ITGBL1: variants seen among roughly 807,000 people sequenced by gnomAD.
ITGBL1 encodes the protein integrin subunit beta like 1.
Under a neutral mutation model 68.5 loss-of-function variants are expected in ITGBL1, and 51 were observed. That is an observed-to-expected ratio of 0.74 (90% confidence interval 0.59 to 0.94). The LOEUF is 0.94. ITGBL1 is among the 40% of genes least tolerant of loss of function. The probability of loss-of-function intolerance (pLI) is 0.00; values close to 1 mark genes in which losing one functional copy is unlikely to be tolerated. For synonymous variants in ITGBL1, 209 were observed against 227.3 expected (o/e 0.92, Z 0.72); for missense variants, 649 against 647.4 (o/e 1.00, Z -0.03).
At chr13:101,558,291 A>G (rs74119856) in intron 2 of ITGBL1, among the ~76,000 whole-genome samples, 38,538 of 151,880 alleles carry the variant, frequency 0.25, 5,641 homozygotes, top group East Asian at 0.46. Flanking sequence ...AAAGATAGAC[A>G]TAAGATACTG....
intron 2 of ITGBL1, among the ~76,000 whole-genome samples, chr13:101,487,875 T>TA (rs1171773678): frequency 6.6e-6 from 1 of 152,198 alleles, no homozygotes; most frequent in Non-Finnish European, 1.5e-5. Flanking sequence ...TTAATCTTCC[T>TA]AACTCAAATG....
chr13:101,627,966 A>G (rs1740109538), intron 7 of ITGBL1, among the ~76,000 whole-genome samples: 1 of 152,200 alleles, frequency 6.6e-6, no homozygotes, highest in African/African-American at 2.4e-5. Context: ...GGTAAATAAC[A>G]AGGAGTGTGA....
At chr13:101,536,603 A>G (rs2049581156) in intron 2 of ITGBL1, among the ~76,000 whole-genome samples, 1 of 151,934 alleles carries the variant, frequency 6.6e-6, no homozygotes, top group African/African-American at 2.4e-5. Context: ...TCTCATTCTC[A>G]ACTCATAAGT....
chr13:101,550,425 A>C (rs1012837505), intron 2 of ITGBL1, among the ~76,000 whole-genome samples: 3 of 152,150 alleles, frequency 2.0e-5, no homozygotes, highest in Admixed American at 1.3e-4. Context: ...ATGTTCAAAC[A>C]CCACTTGGTT....
intron 8 of ITGBL1, among the ~76,000 whole-genome samples, chr13:101,703,313 G>A (rs1004761424): frequency 6.6e-6 from 1 of 152,168 alleles, no homozygotes; most frequent in African/African-American, 2.4e-5. Context: ...AATGTGTATA[G>A]TAAGGGAAAG....
intron 7 of ITGBL1, among the ~76,000 whole-genome samples, chr13:101,622,538 A>T (rs1013514021): frequency 6.6e-6 from 1 of 152,122 alleles, no homozygotes. Context: ...GCCGTTTACT[A>T]TAATTATTTG....
intron 2 of ITGBL1, among the ~76,000 whole-genome samples, chr13:101,512,944 T>G (rs2049139210): frequency 6.6e-6 from 1 of 152,114 alleles, no homozygotes; most frequent in South Asian, 2.1e-4. Context: ...TTCTTTTGTT[T>G]GTGCTGGTGA....
chr13:101,707,661 G>A (rs1482019173), intron 9 of ITGBL1, among the ~76,000 whole-genome samples: 1 of 151,030 alleles, frequency 6.6e-6, no homozygotes, highest in Admixed American at 6.6e-5. Flanking sequence ...CCAACGTGGT[G>A]AAAAATACAA....
intron 2 of ITGBL1, among the ~76,000 whole-genome samples, chr13:101,555,576 T>A (rs1169801363): frequency 4.6e-5 from 7 of 152,186 alleles, no homozygotes; most frequent in Non-Finnish European, 8.8e-5. Flanking sequence ...GGGTGGCGTT[T>A]AGGAATCTTA....
At chr13:101,572,242 T>C (rs550729227) in intron 3 of ITGBL1, among the ~76,000 whole-genome samples, 3 of 152,212 alleles carry the variant, frequency 2.0e-5, no homozygotes, top group Admixed American at 6.5e-5. Flanking sequence ...TTCCCTTTCA[T>C]ATCACAGTGT....
intron 2 of ITGBL1, among the ~76,000 whole-genome samples, chr13:101,463,546 G>T (rs1277001929): frequency 6.6e-6 from 1 of 152,096 alleles, no homozygotes; most frequent in Non-Finnish European, 1.5e-5. Context: ...ATTAGTCCTT[G>T]AATTTGGAAT....
chr13:101,654,302 G>A (rs1594957291), intron 7 of ITGBL1, among the ~76,000 whole-genome samples: 2 of 152,136 alleles, frequency 1.3e-5, no homozygotes, highest in African/African-American at 4.8e-5. Flanking sequence ...GAAGGGGAAG[G>A]TGACATACTT....
chr13:101,599,044 T>C (rs1223430033), intron 7 of ITGBL1, among the ~76,000 whole-genome samples: 1 of 152,194 alleles, frequency 6.6e-6, no homozygotes, highest in Non-Finnish European at 1.5e-5. Flanking sequence ...TAGTTTACAG[T>C]CCCACCAACA....
At position 101,601,233 on chromosome 13, in the gene ITGBL1, A is replaced by G. The variant is rs375339954; in HGVS notation, c.1015+2934A>G. On this transcript the variant is annotated intron_variant, in intron 7 of 10. Transcript: ENST00000376180. ...CTAGTTTATTTGCGTAGAGGTGTTT[A>G]TAGTATTCTCTGATGGTAGTTTGTA... Among the ~76,000 whole-genome samples the G allele has an allele frequency of 3.6e-3, 542 of 152,228 alleles. 4 individuals are homozygous for G. The highest frequency in any genetic ancestry group is 0.012 in the African/African-American group (509 of 41,560).
In ITGBL1 at chr13:101,626,481, CT is replaced by C. The variant is rs1156805635; in HGVS notation, c.1015+28186del. Among the ~76,000 whole-genome samples the C allele has an allele frequency of 2.6e-5, 4 of 152,234 alleles. No individual in the cohort carries two copies. The East Asian group carries it at 7.8e-4, about 30-fold the overall frequency. On this transcript the variant is annotated intron_variant, in intron 7 of 10. Transcript: ENST00000376180. ...TGATGTGAGTCCCCGAGAGATAGCCCTTTTGCTGAATCAGACAGATCTTTCA... is the reference window on the plus strand; with the variant it reads ...TGATGTGAGTCCCCGAGAGATAGCCCTTTGCTGAATCAGACAGATCTTTCA...
At chr13:101,648,740 C>A (rs912707548) in intron 7 of ITGBL1, among the ~76,000 whole-genome samples, 6 of 151,868 alleles carry the variant, frequency 4.0e-5, no homozygotes, top group Non-Finnish European at 8.8e-5. Context: ...CAATGTTAGA[C>A]ATGAAAGAGT....
At chr13:101,630,667 T>G (rs183048869) in intron 7 of ITGBL1, among the ~76,000 whole-genome samples, 2 of 152,382 alleles carry the variant, frequency 1.3e-5, no homozygotes, top group Admixed American at 1.3e-4. Context: ...TCATTTCCTA[T>G]GCATTTTTGA....
Position 101,453,277 on chromosome 13 carries a change from G to C in ITGBL1, c.98+346G>C, listed in dbSNP as rs2048189279. Among the ~76,000 whole-genome samples the C allele has an allele frequency of 1.3e-5, 2 of 152,186 alleles. 1 individual carries two copies. The highest frequency in any genetic ancestry group is 1.3e-4 in the Admixed American group (2 of 15,288). On this transcript the variant is annotated intron_variant, in intron 1 of 10. Coordinates refer to ENST00000376180, the MANE Select transcript of ITGBL1 (RefSeq NM_004791.3). ...GATCTGTTTCCCAAGGGCAGCAACAGGAGGTCTGTGTTACATTTTGTATCA... is the reference window on the plus strand; with the variant it reads ...GATCTGTTTCCCAAGGGCAGCAACACGAGGTCTGTGTTACATTTTGTATCA...
Position 101,646,110 on chromosome 13 carries a change from A to G in ITGBL1, c.1016-46475A>G, listed in dbSNP as rs900619599. Among the ~76,000 whole-genome samples the G allele has an allele frequency of 9.8e-5, 15 of 152,300 alleles. No homozygotes were observed. The East Asian group carries it at 2.9e-3, about 29-fold the overall frequency. ...ATCCACCTTTGATTGATGTGTTTCCATTGGCTTTTACCCTTCATTGTTTCT... is the reference window on the plus strand; with the variant it reads ...ATCCACCTTTGATTGATGTGTTTCCGTTGGCTTTTACCCTTCATTGTTTCT... On this transcript the variant is annotated intron_variant, in intron 7 of 10. Coordinates refer to ENST00000376180, the MANE Select transcript of ITGBL1 (RefSeq NM_004791.3).
Sources: gnomAD v4.1 joint callset for allele counts (sites outside exome capture counted in the v4.1 genomes callset) on GRCh38, gnomAD v4.1.1 for gene constraint, MANE v1.5 for transcripts, NCBI Gene and HGNC (gene_info 2026-07-23, HGNC 2026-07-21) for gene names.